PKHD1: variants seen among roughly 807,000 people sequenced by gnomAD.
PKHD1 encodes fibrocystin.
PKHD1 carries 291 observed loss-of-function variants against 412.0 expected under a neutral mutation model. The ratio of observed to expected loss-of-function variants is 0.71; its 90% CI spans 0.64 to 0.78. The LOEUF is 0.78. PKHD1 is among the 30% of genes least tolerant of loss of function. The pLI is 0.00. For missense variants in PKHD1, 4,825 were observed against 4,950.7 expected (o/e 0.97, Z 0.76); for synonymous variants, 1,777 against 1,821.5 (o/e 0.98, Z 0.62).
chr6:51,782,013 T>TTG (rs1421017977), intron 53 of PKHD1, among the ~76,000 whole-genome samples: 1 of 150,644 alleles, frequency 6.6e-6, no homozygotes, highest in African/African-American at 2.4e-5. Context: ...TAAAATTATT[T>TTG]TGTTTGTATG....
chr6:51,726,449 C>T (rs567446738), intron 60 of PKHD1, among the ~76,000 whole-genome samples: 1 of 152,280 alleles, frequency 6.6e-6, no homozygotes, highest in South Asian at 2.1e-4. Context: ...ATACTGGCCC[C>T]GCAGGAACTG....
chr6:51,903,416 AT>A (rs1191045160), intron 43 of PKHD1, among the ~76,000 whole-genome samples, 180 bp downstream of exon 43: 3 of 151,864 alleles, frequency 2.0e-5, no homozygotes, highest in African/African-American at 7.3e-5. Context: ...TTGTTTTACA[AT>A]TTTTTTTCAG....
chr6:52,042,932 G>T lies in PKHD1; in HGVS notation c.3024C>A (p.Ala1008=). The change falls in exon 27 of 67, where the codon GCC becomes GCA. Residue 1008 remains alanine (A), a synonymous_variant. Coordinates refer to ENST00000371117, the MANE Select transcript of PKHD1 (RefSeq NM_138694.4). ...CATTTAGGAAGAGGTCTTCTCCAGT[G>T]GCACTGATGGCAAGACCAGAGGGTC... ...LVRPSGLAIS[A]TGEDLFLNVK... The T allele has an allele frequency of 1.2e-6, 2 of 1,613,870 alleles. No individual in the cohort carries two copies. The highest frequency in any genetic ancestry group is 1.7e-6 in the Non-Finnish European group (2 of 1,179,786).
intron 48 of PKHD1, among the ~76,000 whole-genome samples, chr6:51,862,468 T>A (rs779510722): frequency 6.6e-6 from 1 of 152,216 alleles, no homozygotes; most frequent in African/African-American, 2.4e-5. Flanking sequence ...CTCACAGGGT[T>A]GTTTTTTAAG....
At chr6:51,800,979 TGTG>T (rs1762824430) in intron 52 of PKHD1, among the ~76,000 whole-genome samples, 1 of 152,204 alleles carries the variant, frequency 6.6e-6, no homozygotes, top group Non-Finnish European at 1.5e-5. Context: ...CCTTGGCTCC[TGTG>T]TTTTCTATTA....
chr6:51,647,190 G>T (rs111396070), intron 63 of PKHD1, among the ~76,000 whole-genome samples: 2 of 152,078 alleles, frequency 1.3e-5, no homozygotes, highest in Non-Finnish European at 2.9e-5. Flanking sequence ...GAACAATTTC[G>T]TAATAAATTA....
chr6:52,063,030 T>A (rs1020402196), intron 13 of PKHD1, among the ~76,000 whole-genome samples: 6 of 152,092 alleles, frequency 3.9e-5, no homozygotes, highest in Non-Finnish European at 2.9e-5. Context: ...AAGCCAGAAG[T>A]GGGCTTCAGT....
chr6:51,678,223 C>T (rs1025201680), intron 60 of PKHD1, among the ~76,000 whole-genome samples: 1 of 152,132 alleles, frequency 6.6e-6, no homozygotes, highest in East Asian at 1.9e-4. Flanking sequence ...AGACAAGTTA[C>T]TTATCCTCCC....
In PKHD1 at chr6:52,025,861, G is replaced by A. The variant is rs1262572564; in HGVS notation, c.3949C>T (p.Leu1317=). 6.2e-7 allele frequency: 1 copy of A among 1,614,030 alleles called. No homozygotes were observed. Among genetic ancestry groups the A allele is most frequent in the Non-Finnish European group, 8.5e-7 (1 of 1,180,040 alleles). The change falls in exon 32 of 67, where the codon CTG becomes TTG. Residue 1317 remains leucine, a synonymous_variant. Coordinates refer to ENST00000371117, the MANE Select transcript of PKHD1 (RefSeq NM_138694.4). ...QGEITNSSLS[L]HVGGSNLSNS... Reference sequence around the variant, plus strand: ...GAGAGGTTACTTCCTCCCACATGCAGGCTCAGGCTGCTATTTGTGATTTCT... The same window carrying A: ...GAGAGGTTACTTCCTCCCACATGCAAGCTCAGGCTGCTATTTGTGATTTCT...
At chr6:51,944,493 T>C (rs1328964201) in intron 36 of PKHD1, among the ~76,000 whole-genome samples, 11 of 152,124 alleles carry the variant, frequency 7.2e-5, no homozygotes, top group Non-Finnish European at 1.6e-4. Context: ...CCAGCTGACT[T>C]CACTCAGATT....
intron 35 of PKHD1, among the ~76,000 whole-genome samples, chr6:52,001,342 A>C (rs938791241): frequency 1.3e-5 from 2 of 152,198 alleles, no homozygotes; most frequent in Admixed American, 6.5e-5. Flanking sequence ...CTAGGGCAAG[A>C]AGATTGTACA....
chr6:51,929,061 T>C (rs1435640458), intron 37 of PKHD1, among the ~76,000 whole-genome samples: 1 of 152,130 alleles, frequency 6.6e-6, no homozygotes, highest in East Asian at 1.9e-4. Context: ...AGTCTTGGTC[T>C]AGAAGAAATA....
intron 43 of PKHD1, among the ~76,000 whole-genome samples, chr6:51,896,725 G>C (rs1194231862): frequency 6.6e-6 from 1 of 152,092 alleles, no homozygotes; most frequent in East Asian, 1.9e-4. Flanking sequence ...CAAGCTACGG[G>C]AGGACATTCA....
intron 60 of PKHD1, among the ~76,000 whole-genome samples, chr6:51,720,168 C>T (rs1238491904): frequency 6.6e-6 from 1 of 152,166 alleles, no homozygotes; most frequent in African/African-American, 2.4e-5. Flanking sequence ...AAAATCTTCA[C>T]TGCTACCAGA....
chr6:51,971,697 G>T (rs866396064), intron 35 of PKHD1, among the ~76,000 whole-genome samples: 17 of 137,132 alleles, frequency 1.2e-4, no homozygotes, highest in South Asian at 2.4e-4. Context: ...TTTTGGGTTG[G>T]TTTTTTTTGC....
intron 52 of PKHD1, among the ~76,000 whole-genome samples, chr6:51,812,372 G>A (rs1009060229): frequency 6.6e-6 from 1 of 152,108 alleles, no homozygotes; most frequent in Admixed American, 6.5e-5. Flanking sequence ...CAACTGAATG[G>A]ATCCTCCTCT....
At chr6:51,905,342 G>C (rs1468800653) in intron 41 of PKHD1, among the ~76,000 whole-genome samples, 1 of 152,088 alleles carries the variant, frequency 6.6e-6, no homozygotes, top group Non-Finnish European at 1.5e-5. Context: ...GTGGTATAAA[G>C]ACATTAATCA....
intron 52 of PKHD1, among the ~76,000 whole-genome samples, chr6:51,811,751 C>A (rs1562366046): frequency 6.6e-6 from 1 of 151,934 alleles, no homozygotes; most frequent in East Asian, 1.9e-4. Context: ...GTAAAATACT[C>A]AATTAATTAA....
At chr6:51,644,417 G>T (rs2580012) in intron 63 of PKHD1, among the ~76,000 whole-genome samples, 1 of 152,100 alleles carries the variant, frequency 6.6e-6, no homozygotes, top group Non-Finnish European at 1.5e-5. Context: ...GACGAGGCAC[G>T]TCTATGATTG....
Sources: gnomAD v4.1 joint callset for allele counts (sites outside exome capture counted in the v4.1 genomes callset) on GRCh38, gnomAD v4.1.1 for gene constraint, MANE v1.5 for transcripts, NCBI Gene and HGNC (gene_info 2026-07-23, HGNC 2026-07-21) for gene names.